The following MSH3 variants were observed in gnomAD, a reference collection of about 807,000 sequenced individuals.
The protein encoded by MSH3 is mutS homolog 3.
A neutral mutation model predicts 123.3 loss-of-function variants in MSH3; 106 were observed. The observed-to-expected ratio is 0.86, with a 90% CI of 0.73 to 1.01. The LOEUF (loss-of-function observed/expected upper bound fraction) is 1.01. Ranked by LOEUF, MSH3 falls within the 50% of genes least tolerant of loss-of-function variation. The pLI is 0.00. For synonymous variants in MSH3, 515 were observed against 481.4 expected (o/e 1.07, Z -0.91); for missense variants, 1,459 against 1,347.6 (o/e 1.08, Z -1.29).
chr5:80,820,648 G>A (rs903607093), intron 20 of MSH3, among the ~76,000 whole-genome samples: 7 of 152,186 alleles, frequency 4.6e-5, no homozygotes, highest in Non-Finnish European at 8.8e-5. Context: ...ATCCCCTTGT[G>A]ATTCAAACAC....
chr5:80,654,774 C>T lies in MSH3; in HGVS notation c.47C>T (p.Ser16Leu). 6.2e-7 allele frequency: 1 copy of T among 1,606,794 alleles called. No homozygotes were observed. Among genetic ancestry groups the T allele is most frequent in the Non-Finnish European group, 8.5e-7 (1 of 1,177,392 alleles). The change falls in exon 1 of 24, where the codon TCA (serine) becomes TTA (leucine). Residue 16 changes from serine (S) to leucine (L), a missense_variant. Transcript: ENST00000265081. ...TCGGGCGGCCTCGCTGCCTCCAGCT[C>T]AGCCCCTGCGAGGCAAGCGGTTTTG... ...PASGGLAASS[S>L]APARQAVLSR...
intron 16 of MSH3, among the ~76,000 whole-genome samples, chr5:80,777,383 GT>G (rs533490351): frequency 2.0e-5 from 3 of 150,926 alleles, no homozygotes; most frequent in African/African-American, 7.3e-5. Context: ...TCCTTTATCT[GT>G]TTTTGTCCTG....
rs944859810 is a variant in MSH3 at position 80,776,775 on chromosome 5, G to T, written c.2318+1017G>T. ...GGTACATTTGCCTCAGATGGTAGAAGAGGGACCGTAGCTGGTAATAGTGTA... is the reference window on the plus strand; with the variant it reads ...GGTACATTTGCCTCAGATGGTAGAATAGGGACCGTAGCTGGTAATAGTGTA... On this transcript the variant is annotated intron_variant, in intron 16 of 23. Transcript: ENST00000265081. Among the ~76,000 whole-genome samples, 3 of 151,288 alleles carry T rather than the reference G, an allele frequency of 2.0e-5. No homozygotes were observed. In the East Asian group the frequency reaches 5.8e-4, roughly 29 times the overall value.
At chr5:80,759,868 C>G (rs1744000455) in intron 12 of MSH3, among the ~76,000 whole-genome samples, 1 of 152,216 alleles carries the variant, frequency 6.6e-6, no homozygotes, top group South Asian at 2.1e-4. Context: ...GTACAAAGCT[C>G]TGTCTTGCTC....
In MSH3 at chr5:80,691,935, AT is replaced by A. The variant is rs1561444396; in HGVS notation, c.1340+12843del. ...CATGTATATGTTTATATAGATAAACATGTATATGTTTATATAGATAAACATG... is the reference window on the plus strand; with the variant it reads ...CATGTATATGTTTATATAGATAAACAGTATATGTTTATATAGATAAACATG... On this transcript the variant is annotated intron_variant, in intron 8 of 23. Transcript: ENST00000265081. Among the ~76,000 whole-genome samples the A allele has an allele frequency of 5.6e-5, 5 of 89,414 alleles. 1 individual carries two copies. Among genetic ancestry groups the A allele is most frequent in the African/African-American group, 2.6e-4 (5 of 19,008 alleles). The allele number at this position is 89,414 out of a possible 152,430, so 58.7% of individuals were successfully genotyped here.
At chr5:80,870,099 G>A (rs1034015572) in intron 22 of MSH3, among the ~76,000 whole-genome samples, 3 of 150,458 alleles carry the variant, frequency 2.0e-5, no homozygotes, top group South Asian at 2.1e-4. Context: ...ACTTAAACCC[G>A]GGAGGTGGAG....
At chr5:80,841,748 G>T (rs529094685) in intron 20 of MSH3, among the ~76,000 whole-genome samples, 1 of 152,092 alleles carries the variant, frequency 6.6e-6, no homozygotes, top group South Asian at 2.1e-4. Flanking sequence ...TTTTTGATGG[G>T]GTTGTTTGTT....
intron 20 of MSH3, among the ~76,000 whole-genome samples, chr5:80,845,528 T>G (rs938088205): frequency 6.6e-6 from 1 of 152,230 alleles, no homozygotes; most frequent in African/African-American, 2.4e-5. Context: ...CCCGTCACTT[T>G]CCAGTACACC....
chr5:80,817,024 G>A (rs1398297558), intron 20 of MSH3, among the ~76,000 whole-genome samples: 3 of 152,204 alleles, frequency 2.0e-5, no homozygotes, highest in East Asian at 1.9e-4. Context: ...TTTTGTGTAC[G>A]TGATTGGGTG....
intron 20 of MSH3, among the ~76,000 whole-genome samples, chr5:80,827,025 G>C (rs1345807700): frequency 6.6e-6 from 1 of 151,946 alleles, no homozygotes; most frequent in African/African-American, 2.4e-5. Flanking sequence ...TATTTCCAAG[G>C]ATCATTAACA....
chr5:80,818,047 C>T (rs1362122396), intron 20 of MSH3, among the ~76,000 whole-genome samples: 4 of 152,008 alleles, frequency 2.6e-5, no homozygotes, highest in South Asian at 2.1e-4. Context: ...TGGTGAAACC[C>T]GTCTCTACTA....
chr5:80,873,144 CA>C lies in MSH3; in HGVS notation c.3160del (p.Thr1054ProfsTer6). 6.2e-7 allele frequency: 1 copy of C among 1,613,722 alleles called. No individual in the cohort carries two copies. The highest frequency in any genetic ancestry group is 8.5e-7 in the Non-Finnish European group (1 of 1,179,714). Reference protein sequence around the residue: ...GAAEQVPDFVTFLYQITRGIA... With the variant: ...GAAEQVPDFVXFLYQITRGIA... The stretch of plus-strand genomic sequence containing the variant: ...CAGCAGAACAAGTCCCTGATTTTGT[CA>C]CCTTCCTTTACCAAATAACTAGAGG... On this transcript the variant is annotated frameshift_variant, in exon 23 of 24. Coordinates refer to ENST00000265081, the MANE Select transcript of MSH3 (RefSeq NM_002439.5). LOFTEE classifies it high-confidence loss of function.
rs573915189 is a variant in MSH3, at chr5:80,655,007, G to A, written c.237+43G>A. On this transcript the variant is annotated intron_variant, in intron 1 of 23. Transcript: ENST00000265081. The stretch of plus-strand genomic sequence containing the variant: ...CTGGGCAGGGCCATCGGGGCTGGGG[G>A]GGCGGGGCTTGTGGGTAAGGCGGGC... The A allele has an allele frequency of 5.7e-6, 7 of 1,235,168 alleles. No individual in the cohort carries two copies. The South Asian group carries it at 9.7e-5, about 17-fold the overall frequency. 76.5% of individuals were successfully genotyped at this position (1,235,168 alleles called of 1,614,324 possible).
intron 19 of MSH3, among the ~76,000 whole-genome samples, chr5:80,806,751 G>T (rs769386295): frequency 1.3e-5 from 2 of 152,070 alleles, no homozygotes; most frequent in Non-Finnish European, 2.9e-5. Context: ...AGTTAATTGG[G>T]GGAAAAAAAT....
chr5:80,846,494 C>A (rs1561497361), intron 20 of MSH3, among the ~76,000 whole-genome samples: 1 of 152,184 alleles, frequency 6.6e-6, no homozygotes, highest in South Asian at 2.1e-4. Flanking sequence ...TTTCATTCTG[C>A]TATGCCCTGC....
At chr5:80,663,552 T>G (rs547079969) in intron 2 of MSH3, among the ~76,000 whole-genome samples, 22 of 148,472 alleles carry the variant, frequency 1.5e-4, no homozygotes, top group Admixed American at 6.1e-4. Context: ...TTCCAGGCAG[T>G]TTTTTTTTAT....
At chr5:80,733,353 A>C (rs932287866) in intron 10 of MSH3, among the ~76,000 whole-genome samples, 1 of 152,314 alleles carries the variant, frequency 6.6e-6, no homozygotes, top group South Asian at 2.1e-4. Flanking sequence ...ACCTGATATG[A>C]GTTAACACTG....
intron 10 of MSH3, among the ~76,000 whole-genome samples, chr5:80,735,794 A>G (rs1165363987): frequency 6.6e-6 from 1 of 152,362 alleles, no homozygotes; most frequent in Admixed American, 6.5e-5. Flanking sequence ...ATTAATCTTC[A>G]CTTAAAAATT....
Position 80,670,211 on chromosome 5 carries a change from C to G in MSH3, c.694C>G (p.Leu232Val), listed in dbSNP as rs1377906074. 6.2e-7 allele frequency: 1 copy of G among 1,613,994 alleles called. No individual in the cohort carries two copies. Among genetic ancestry groups the G allele is most frequent in the Non-Finnish European group, 8.5e-7 (1 of 1,180,020 alleles). ...NKRSKSIYTPLELQYIEMKQQ... is the reference protein window; with the variant it reads ...NKRSKSIYTPVELQYIEMKQQ... The stretch of plus-strand genomic sequence containing the variant: ...ACGGTCCAAAAGCATCTATACGCCG[C>G]TAGAATTACAATACATAGAAATGAA... The change falls in exon 4 of 24, where the codon CTA (leucine) becomes GTA (valine). Residue 232 changes from leucine (L) to valine (V), a missense_variant. Coordinates refer to ENST00000265081, the MANE Select transcript of MSH3 (RefSeq NM_002439.5).
Sources: gnomAD v4.1 joint callset for allele counts (sites outside exome capture counted in the v4.1 genomes callset) on GRCh38, gnomAD v4.1.1 for gene constraint, MANE v1.5 for transcripts, NCBI Gene and HGNC (gene_info 2026-07-23, HGNC 2026-07-21) for gene names.